The following CIMAP1D variants were observed in gnomAD, a reference collection of about 807,000 sequenced individuals.
CIMAP1D encodes CIMAP1 family member D, also known as protein CIMAP1D.
At chr19:473,561 C>T in the CIMAP1D span, among the ~76,000 whole-genome samples, 342 of 11,590 alleles carry the variant, frequency 0.03, 120 homozygotes, top group Non-Finnish European at 0.061. Flanking sequence ...CAGAGATACA[C>T]GGTCACAGAT....
the CIMAP1D span, among the ~76,000 whole-genome samples, chr19:466,450 T>A: frequency 2.1e-5 from 3 of 142,524 alleles, no homozygotes; most frequent in East Asian, 6.7e-4. Flanking sequence ...GATGGCTGGA[T>A]GGGTGGGTGG....
At chr19:464,977 TGG>T in the CIMAP1D span, among the ~76,000 whole-genome samples, 1 of 38,018 alleles carries the variant, frequency 2.6e-5, no homozygotes, top group Non-Finnish European at 4.8e-5. Flanking sequence ...CATAGATGAG[TGG>T]GTAGGTGGGT....
chr19:471,315 A>C, the CIMAP1D span, among the ~76,000 whole-genome samples: 1 of 150,682 alleles, frequency 6.6e-6, no homozygotes, highest in African/African-American at 2.4e-5. Context: ...CGCCCGGCTA[A>C]TTTTTTGTAT....
the CIMAP1D span, among the ~76,000 whole-genome samples, chr19:488,726 C>G: frequency 7.2e-5 from 11 of 151,880 alleles, 1 homozygote; most frequent in South Asian, 1.7e-3. Context: ...CCCCGACCCC[C>G]GCAGCGAGCC....
At chr19:491,171 G>A in the CIMAP1D span, among the ~76,000 whole-genome samples, 3 of 151,864 alleles carry the variant, frequency 2.0e-5, no homozygotes, top group African/African-American at 4.8e-5. Context: ...CAGCTACTCA[G>A]GAGGCTCAGG....
At chr19:468,458 G>T in the CIMAP1D span, among the ~76,000 whole-genome samples, 561 of 152,264 alleles carry the variant, frequency 3.7e-3, 4 homozygotes, top group African/African-American at 0.013. Context: ...TGCTTAAGAG[G>T]GGGGCTCGGC....
chr19:475,074 G>T, the CIMAP1D span: 1 of 267,128 alleles, frequency 3.7e-6, no homozygotes, highest in Non-Finnish European at 7.0e-6. Context: ...GCTGGGGCCA[G>T]GGCCGGCCCC....
chr19:483,120 C>T, the CIMAP1D span, among the ~76,000 whole-genome samples: 1 of 152,138 alleles, frequency 6.6e-6, no homozygotes, highest in Non-Finnish European at 1.5e-5. Context: ...TCCCTCACTC[C>T]AGCAAATGGC....
At chr19:464,445 C>T in the CIMAP1D span, 3 of 814,744 alleles carry the variant, frequency 3.7e-6, no homozygotes, top group African/African-American at 5.2e-5. Flanking sequence ...GGCCCACATG[C>T]ACCCTGGAGC....
the CIMAP1D span, among the ~76,000 whole-genome samples, chr19:480,778 G>A: frequency 8.4e-6 from 1 of 119,142 alleles, no homozygotes; most frequent in Non-Finnish European, 1.6e-5. Flanking sequence ...GGAAAACGAT[G>A]ATGGAGAATG....
At chr19:474,945 C>T in the CIMAP1D span, 2 of 434,018 alleles carry the variant, frequency 4.6e-6, no homozygotes, top group South Asian at 6.8e-5. Context: ...GCAGGCTGGT[C>T]GGCCGGACAC....
At chr19:469,546 C>T in the CIMAP1D span, among the ~76,000 whole-genome samples, 4 of 151,892 alleles carry the variant, frequency 2.6e-5, no homozygotes, top group African/African-American at 7.3e-5. Context: ...AAAAATTAGC[C>T]GGGCGTGGTG....
At chr19:480,287 C>G in the CIMAP1D span, among the ~76,000 whole-genome samples, 1 of 152,220 alleles carries the variant, frequency 6.6e-6, no homozygotes, top group South Asian at 2.1e-4. Flanking sequence ...TCCTGCACGG[C>G]CTGTGGACTG....
chr19:488,992 G>A, the CIMAP1D span, among the ~76,000 whole-genome samples: 1 of 152,022 alleles, frequency 6.6e-6, no homozygotes, highest in South Asian at 2.1e-4. Context: ...AGCCCGCCAC[G>A]AACTCGGAGG....
chr19:481,324 A>G, the CIMAP1D span, among the ~76,000 whole-genome samples: 990 of 74,970 alleles, frequency 0.013, no homozygotes, highest in Admixed American at 0.018. Flanking sequence ...ACGATGATGG[A>G]GAAGGATGAT....
chr19:477,482 G>A, the CIMAP1D span, among the ~76,000 whole-genome samples: 1 of 151,750 alleles, frequency 6.6e-6, no homozygotes, highest in Admixed American at 6.5e-5. Flanking sequence ...GTTGAGGCAG[G>A]AGACTCGCTT....
the CIMAP1D span, chr19:474,950 G>A: frequency 1.3e-4 from 55 of 431,992 alleles, no homozygotes; most frequent in Admixed American, 9.2e-4. Flanking sequence ...CTGGTCGGCC[G>A]GACACTGGCC....
At chr19:466,304 TGGA>T in the CIMAP1D span, among the ~76,000 whole-genome samples, 1 of 121,598 alleles carries the variant, frequency 8.2e-6, no homozygotes, top group Admixed American at 9.2e-5. Flanking sequence ...GATGAGTGGA[TGGA>T]TGGGTGGATA....
the CIMAP1D span, among the ~76,000 whole-genome samples, chr19:470,256 G>C: frequency 6.7e-6 from 1 of 149,774 alleles, no homozygotes; most frequent in Non-Finnish European, 1.5e-5. Flanking sequence ...ACCCAGGCTG[G>C]AGTGCAGTGG....
Sources: gnomAD v4.1 joint callset for allele counts (sites outside exome capture counted in the v4.1 genomes callset) on GRCh38, gnomAD v4.1.1 for gene constraint, MANE v1.5 for transcripts, NCBI Gene and HGNC (gene_info 2026-07-23, HGNC 2026-07-21) for gene names.